Variants in KCNMA1 observed in about 807,000 individuals in gnomAD.
KCNMA1 encodes Calcium-activated potassium channel subunit alpha-1.
A neutral mutation model predicts 140.0 loss-of-function variants in KCNMA1; 29 were observed. The ratio of observed to expected loss-of-function variants is 0.21; its 90% CI spans 0.15 to 0.28. The LOEUF (loss-of-function observed/expected upper bound fraction) is 0.28. KCNMA1 is among the 10% of genes least tolerant of loss of function. The pLI is 1.00. For synonymous variants in KCNMA1, 612 were observed against 611.9 expected (o/e 1.00, Z 0.00); for missense variants, 880 against 1,602.2 (o/e 0.55, Z 7.70).
chr10:77,138,815 T>C (rs1163160366), intron 5 of KCNMA1, among the ~76,000 whole-genome samples: 1 of 152,200 alleles, frequency 6.6e-6, no homozygotes, highest in African/African-American at 2.4e-5. Flanking sequence ...CAGCTCTGAG[T>C]CTTCCCTTCT....
intron 3 of KCNMA1, among the ~76,000 whole-genome samples, chr10:77,188,750 A>C (rs1352234862): frequency 6.6e-6 from 1 of 152,210 alleles, no homozygotes; most frequent in Non-Finnish European, 1.5e-5. Flanking sequence ...ACTCTTGAGC[A>C]GGATGATCCA....
chr10:77,364,261 G>A (rs1242211920), intron 2 of KCNMA1, among the ~76,000 whole-genome samples: 1 of 152,050 alleles, frequency 6.6e-6, no homozygotes, highest in Non-Finnish European at 1.5e-5. Context: ...GACCAGCCTG[G>A]CCAACATAGC....
chr10:77,105,553 A>G (rs1472898260), intron 9 of KCNMA1, among the ~76,000 whole-genome samples: 1 of 152,152 alleles, frequency 6.6e-6, no homozygotes, highest in Non-Finnish European at 1.5e-5. Flanking sequence ...CAAATCCCTT[A>G]ACTATGTATA....
At position 77,627,149 on chromosome 10, in the gene KCNMA1, C is replaced by T. The variant is rs141015236; in HGVS notation, c.378+10116G>A. Among the ~76,000 whole-genome samples the T allele has an allele frequency of 6.1e-4, 93 of 152,228 alleles. No homozygotes were observed. In the Middle Eastern group the frequency reaches 0.014, roughly 22 times the overall value. On this transcript the variant is annotated intron_variant, in intron 1 of 27. Coordinates refer to ENST00000286628, the MANE Select transcript of KCNMA1 (RefSeq NM_001161352.2). ...AGAAACAGCCTCCTATTCTAAGAAG[C>T]GGCTGTATTCAAGTGATGCAAAAAG... is the stretch of plus-strand genomic sequence containing the variant.
chr10:76,957,826 A>G (rs1015626378), intron 20 of KCNMA1, among the ~76,000 whole-genome samples: 2 of 152,204 alleles, frequency 1.3e-5, no homozygotes, highest in African/African-American at 4.8e-5. Context: ...ACTGTTACAC[A>G]CTCACTGGAT....
At chr10:77,014,083 A>G (rs1364655974) in intron 17 of KCNMA1, among the ~76,000 whole-genome samples, 2 of 152,250 alleles carry the variant, frequency 1.3e-5, no homozygotes, top group East Asian at 1.9e-4. Context: ...TAACATATAC[A>G]TTATACAGAT....
intron 1 of KCNMA1, among the ~76,000 whole-genome samples, chr10:77,630,940 T>A (rs569425584): frequency 6.6e-6 from 1 of 151,584 alleles, no homozygotes; most frequent in East Asian, 2.0e-4. Context: ...ACCCCATCTC[T>A]GTAAAAAATT....
chr10:77,245,476 A>T (rs939699218), intron 3 of KCNMA1, among the ~76,000 whole-genome samples: 4 of 152,186 alleles, frequency 2.6e-5, no homozygotes, highest in African/African-American at 9.7e-5. Context: ...GTGCCTAGTC[A>T]GTTTGAACAA....
intron 2 of KCNMA1, among the ~76,000 whole-genome samples, chr10:77,262,826 C>T (rs11002101): frequency 0.18 from 27,799 of 151,860 alleles, 3,350 homozygotes; most frequent in East Asian, 0.44. Flanking sequence ...CCTGCAGAAC[C>T]ATGAACCAAG....
intron 1 of KCNMA1, among the ~76,000 whole-genome samples, chr10:77,589,595 G>C (rs959195046): frequency 6.6e-6 from 1 of 152,192 alleles, no homozygotes; most frequent in Admixed American, 6.5e-5. Flanking sequence ...TTCTTGGTCT[G>C]ACTTCAAGAA....
intron 1 of KCNMA1, among the ~76,000 whole-genome samples, chr10:77,483,795 G>A (rs1206080021): frequency 6.6e-6 from 1 of 152,214 alleles, no homozygotes; most frequent in African/African-American, 2.4e-5. Context: ...ACAGCACTGA[G>A]ACATTGAAGG....
At chr10:77,014,821 C>T (rs891922265) in intron 17 of KCNMA1, among the ~76,000 whole-genome samples, 11 of 152,214 alleles carry the variant, frequency 7.2e-5, no homozygotes, top group African/African-American at 2.7e-4. Flanking sequence ...TGCCAAGTGG[C>T]ATTTCTTTGC....
intron 2 of KCNMA1, among the ~76,000 whole-genome samples, chr10:77,262,511 C>T (rs2062286052): frequency 1.3e-5 from 2 of 151,974 alleles, no homozygotes; most frequent in African/African-American, 4.8e-5. Flanking sequence ...GGATGTCTTC[C>T]CTCCTCCAAA....
chr10:77,057,557 T>C (rs2153655903), intron 14 of KCNMA1, among the ~76,000 whole-genome samples: 1 of 152,194 alleles, frequency 6.6e-6, no homozygotes, highest in South Asian at 2.1e-4. Context: ...CATTGTCTGA[T>C]ATAGTTTGCA....
intron 18 of KCNMA1, among the ~76,000 whole-genome samples, chr10:77,008,632 C>A (rs2089859060): frequency 6.6e-6 from 1 of 152,120 alleles, no homozygotes; most frequent in African/African-American, 2.4e-5. Context: ...GAATGAGGAG[C>A]TAGGGGTGGA....
intron 9 of KCNMA1, among the ~76,000 whole-genome samples, chr10:77,101,233 A>G (rs2097091287): frequency 6.6e-6 from 1 of 152,162 alleles, no homozygotes; most frequent in South Asian, 2.1e-4. Context: ...AAGACATGGC[A>G]TCTAATGACA....
At chr10:77,339,415 A>G (rs1234167905) in intron 2 of KCNMA1, among the ~76,000 whole-genome samples, 1 of 152,144 alleles carries the variant, frequency 6.6e-6, no homozygotes, top group South Asian at 2.1e-4. Flanking sequence ...GAAAGCAGGC[A>G]CTGGAGAGCT....
intron 1 of KCNMA1, chr10:77,637,007 C>T (rs927373772): frequency 7.1e-7 from 1 of 1,414,580 alleles, no homozygotes; most frequent in Non-Finnish European, 9.2e-7. Flanking sequence ...GCCAACAACC[C>T]TACAATAAAC....
chr10:77,141,480 T>C (rs989006802), intron 5 of KCNMA1, among the ~76,000 whole-genome samples: 2 of 152,156 alleles, frequency 1.3e-5, no homozygotes, highest in African/African-American at 4.8e-5. Context: ...TCTTTCTCCC[T>C]CTCTGCCATG....
Sources: gnomAD v4.1 joint callset for allele counts (sites outside exome capture counted in the v4.1 genomes callset) on GRCh38, gnomAD v4.1.1 for gene constraint, MANE v1.5 for transcripts, NCBI Gene and HGNC (gene_info 2026-07-23, HGNC 2026-07-21) for gene names.